Variants in NMNAT3 observed in about 807,000 individuals in gnomAD.
NMNAT3 encodes the protein nicotinamide/nicotinic acid mononucleotide adenylyltransferase 3.
In NMNAT3, 21 loss-of-function variants were observed where a neutral mutation model predicts 24.8. The observed-to-expected ratio is 0.85, with a 90% confidence interval of 0.60 to 1.22. The LOEUF is 1.22. Ranked by LOEUF, NMNAT3 falls within the 50% of genes most tolerant of loss-of-function variation. NMNAT3 has a pLI of 0.00. For synonymous variants in NMNAT3, 136 were observed against 155.2 expected, an observed-to-expected ratio of 0.88 and a Z score of 0.92; for missense variants, 387 against 436.6, an observed-to-expected ratio of 0.89 and a Z score of 1.01.
At chr3:139,615,425 A>ATCTATCTATCTATCTG (rs1248485161) in intron 3 of NMNAT3, among the ~76,000 whole-genome samples, 1 of 148,140 alleles carries the variant, frequency 6.8e-6, no homozygotes, top group East Asian at 2.0e-4. Flanking sequence ...TTTTCTATCT[A>ATCTATCTATCTATCTG]TCTATCTATC....
intron 1 of NMNAT3, among the ~76,000 whole-genome samples, chr3:139,656,271 T>C (rs1171431655): frequency 2.0e-5 from 3 of 152,228 alleles, no homozygotes; most frequent in African/African-American, 4.8e-5. Context: ...AATTGGCATG[T>C]AGCATTAATT....
At position 139,613,448 on chromosome 3, in the gene NMNAT3, C is replaced by G. The variant is rs528590394; in HGVS notation, c.109+14168G>C. Among the ~76,000 whole-genome samples the G allele has an allele frequency of 3.9e-5, 6 of 152,322 alleles. No individual in the cohort carries two copies. In the South Asian group the frequency reaches 1.2e-3, roughly 32 times the overall value. On this transcript the variant is annotated intron_variant, in intron 3 of 6. Transcript: ENST00000643695. ...AACCACAATGAGATACCATCTCATA[C>G]CAGTTAGGATGGCAATCATTAAAAA...
intron 6 of NMNAT3, chr3:139,569,086 C>A (rs1426349034): frequency 6.6e-6 from 1 of 152,202 alleles, no homozygotes; most frequent in Admixed American, 6.5e-5. Context: ...GATCCCTTTA[C>A]CATGATGTAA....
intron 6 of NMNAT3, among the ~76,000 whole-genome samples, chr3:139,573,176 T>C (rs1938684986): frequency 6.6e-6 from 1 of 152,196 alleles, no homozygotes; most frequent in South Asian, 2.1e-4. Flanking sequence ...CTCTTTTGAG[T>C]GAACCATTGA....
rs1428163401 is a variant in NMNAT3 at position 139,600,736 on chromosome 3, C to CT, written c.110-17529dup. On this transcript the variant is annotated intron_variant, in intron 3 of 6. Transcript: ENST00000643695. ...TGTTCCTTTCTCTGCAATCATCTCTCTGAGTCTCAGACATGTGGCACTGGT... is the reference window on the plus strand; with the variant it reads ...TGTTCCTTTCTCTGCAATCATCTCTCTTGAGTCTCAGACATGTGGCACTGGT... 5.9e-5 allele frequency among the ~76,000 whole-genome samples: 9 copies of CT among 152,296 alleles called. No individual in the cohort carries two copies. In the East Asian group the frequency reaches 1.7e-3, roughly 29 times the overall value.
At chr3:139,672,049 T>C (rs554565957) in intron 1 of NMNAT3, among the ~76,000 whole-genome samples, 32 of 152,354 alleles carry the variant, frequency 2.1e-4, no homozygotes, top group African/African-American at 7.5e-4. Flanking sequence ...CTGGCTGATA[T>C]CAGGGCTGCT....
intron 3 of NMNAT3, among the ~76,000 whole-genome samples, chr3:139,589,819 G>A (rs1021092535): frequency 6.6e-6 from 1 of 152,212 alleles, no homozygotes; most frequent in African/African-American, 2.4e-5. Flanking sequence ...GCCCTCTGAA[G>A]TATGGCATGA....
intron 4 of NMNAT3, among the ~76,000 whole-genome samples, chr3:139,580,432 A>AT (rs1940014924): frequency 6.6e-6 from 1 of 151,960 alleles, no homozygotes; most frequent in Non-Finnish European, 1.5e-5. Flanking sequence ...CTGAAATAAC[A>AT]TTTTTTTCTG....
At chr3:139,625,722 A>G (rs1184542777) in intron 3 of NMNAT3, among the ~76,000 whole-genome samples, 1 of 152,102 alleles carries the variant, frequency 6.6e-6, no homozygotes, top group East Asian at 1.9e-4. Flanking sequence ...TAATTGCCCT[A>G]TGTTGTTACC....
Position 139,560,715 on chromosome 3 carries a change from A to G in NMNAT3, c.*295T>C. On this transcript the variant is annotated 3_prime_UTR_variant, in exon 7 of 7. Coordinates refer to ENST00000643695, the MANE Select transcript of NMNAT3 (RefSeq NM_001320510.2). ...CGTGCATGCCATAATTACCATCCACACAAAATAAGTAGACCTCCTTGTCCA... is the reference window on the plus strand; with the variant it reads ...CGTGCATGCCATAATTACCATCCACGCAAAATAAGTAGACCTCCTTGTCCA... 8.6e-6 allele frequency: 3 copies of G among 350,518 alleles called. No individual in the cohort carries two copies. The highest frequency in any genetic ancestry group is 1.0e-4 in the South Asian group (2 of 20,032). The allele number at this position is 350,518 out of a possible 1,614,324, so 21.7% of individuals were successfully genotyped here. A position where few individuals can be genotyped will look rare whatever the true frequency, so the allele number is the denominator to read the frequency against.
chr3:139,612,307 G>A (rs2055262096), intron 3 of NMNAT3, among the ~76,000 whole-genome samples: 2 of 152,178 alleles, frequency 1.3e-5, no homozygotes, highest in Non-Finnish European at 2.9e-5. Context: ...GACTGCTCAT[G>A]GCTAGCAAGA....
chr3:139,602,970 T>A (rs2054782172), intron 3 of NMNAT3, among the ~76,000 whole-genome samples: 1 of 152,218 alleles, frequency 6.6e-6, no homozygotes, highest in Non-Finnish European at 1.5e-5. Flanking sequence ...ACTAAGCACC[T>A]GAAAATTAGT....
chr3:139,570,310 A>T (rs1340207126), intron 6 of NMNAT3: 1 of 152,180 alleles, frequency 6.6e-6, no homozygotes, highest in Admixed American at 6.6e-5. Flanking sequence ...AGCTCGGAGT[A>T]GTTTGATCGT....
chr3:139,583,046 T>A lies in NMNAT3; in HGVS notation c.272A>T (p.Glu91Val), dbSNP rs180910469. ...GTCATTCAAATCACAGAACGCTTGT[T>A]CTTCAGTTCTTTTGCGTTTAAAAGA... The change falls in exon 4 of 7, where the codon GAA becomes GTA. Residue 91 changes from glutamate (E) to valine (V), a missense_variant. Around this residue, in one of 3 missense-constraint regions of NMNAT3, gnomAD observed 323 missense variants for 345.2 expected, o/e 0.94. Coordinates refer to ENST00000643695, the MANE Select transcript of NMNAT3 (RefSeq NM_001320510.2). The A allele has an allele frequency of 5.0e-6, 8 of 1,607,890 alleles. No homozygotes were observed. In the Admixed American group the frequency reaches 8.4e-5, roughly 17 times the overall value.
chr3:139,560,195 T>G lies in NMNAT3; in HGVS notation c.*815A>C, dbSNP rs1289889436. On this transcript the variant is annotated 3_prime_UTR_variant, in exon 7 of 7. Transcript: ENST00000643695. ...AAAAGAGAAATTTTTCATTAGTACT[T>G]TTTGATGTCAATTTATTATTTATCC... 6.6e-6 allele frequency: 1 copy of G among 152,604 alleles called. No individual in the cohort carries two copies. Among genetic ancestry groups the G allele is most frequent in the Non-Finnish European group, 1.5e-5 (1 of 68,032 alleles). The allele number at this position is 152,604 out of a possible 1,614,324, so 9.5% of individuals were successfully genotyped here.
At chr3:139,577,543 C>G (rs1304395395) in intron 5 of NMNAT3, among the ~76,000 whole-genome samples, 2 of 152,188 alleles carry the variant, frequency 1.3e-5, no homozygotes, top group African/African-American at 4.8e-5. Flanking sequence ...TCTGTTTCTG[C>G]CTACATATTA....
At chr3:139,632,382 C>T (rs1359215667) in intron 2 of NMNAT3, among the ~76,000 whole-genome samples, 2 of 152,308 alleles carry the variant, frequency 1.3e-5, no homozygotes, top group East Asian at 3.9e-4. Flanking sequence ...ATCCTGTCAA[C>T]AGGGATATGC....
In NMNAT3 at chr3:139,560,542, G is replaced by A. The variant is rs185332210; in HGVS notation, c.*468C>T. The A allele has an allele frequency of 6.4e-6, 1 of 156,236 alleles. No homozygotes were observed. Among genetic ancestry groups the A allele is most frequent in the African/African-American group, 2.4e-5 (1 of 41,622 alleles). The allele number at this position is 156,236 out of a possible 1,614,324, so 9.7% of individuals were successfully genotyped here. ...GTTCATATTCTGAAACCAGGGCGTT[G>A]ACAAAACCCACTGTTCAGTAATTAG... On this transcript the variant is annotated 3_prime_UTR_variant, in exon 7 of 7. Coordinates refer to ENST00000643695, the MANE Select transcript of NMNAT3 (RefSeq NM_001320510.2).
chr3:139,567,216 T>G (rs1937376890), intron 6 of NMNAT3: 1 of 152,110 alleles, frequency 6.6e-6, no homozygotes, highest in African/African-American at 2.4e-5. Context: ...TTTTGTATCC[T>G]GAGACTTTGC....
Sources: allele counts gnomAD v4.1 joint callset (sites outside exome capture counted in the v4.1 genomes callset), GRCh38; gene constraint gnomAD v4.1.1; regional missense constraint gnomAD v4.1.1; transcripts MANE v1.5; gene names NCBI Gene and HGNC (gene_info 2026-07-23, HGNC 2026-07-21).